Variants in RBMS3 observed in about 807,000 individuals in gnomAD.
RBMS3 encodes RNA binding motif single stranded interacting protein 3.
A neutral mutation model predicts 66.8 loss-of-function variants in RBMS3; 27 were observed. That is an observed-to-expected ratio of 0.40 (90% CI 0.30 to 0.56). RBMS3 has a LOEUF of 0.56. Among genes scored for constraint, RBMS3 ranks in the 20% least tolerant of loss-of-function variants. RBMS3 has a pLI of 0.40. For synonymous variants in RBMS3, 188 were observed against 183.0 expected, an observed-to-expected ratio of 1.03 and a Z score of -0.22; for missense variants, 513 against 549.5, an observed-to-expected ratio of 0.93 and a Z score of 0.66.
At chr3:29,569,624 T>C (rs531446278) in intron 3 of RBMS3, among the ~76,000 whole-genome samples, 99 of 152,250 alleles carry the variant, frequency 6.5e-4, no homozygotes, top group African/African-American at 2.4e-3. Flanking sequence ...TTCCAATCCC[T>C]TGTATTTCAA....
At chr3:29,537,932 A>G (rs936074182) in intron 3 of RBMS3, among the ~76,000 whole-genome samples, 1 of 152,050 alleles carries the variant, frequency 6.6e-6, no homozygotes, top group Admixed American at 6.6e-5. Context: ...TACTAATACA[A>G]TATACTGGCA....
chr3:29,308,433 T>C (rs987198736), intron 1 of RBMS3, among the ~76,000 whole-genome samples: 1 of 151,792 alleles, frequency 6.6e-6, no homozygotes, highest in African/African-American at 2.4e-5. Flanking sequence ...AGAAAGCACT[T>C]AGTCAACAAT....
chr3:29,944,415 C>T (rs919378112), intron 12 of RBMS3, among the ~76,000 whole-genome samples, 161 bp downstream of exon 12: 1 of 151,570 alleles, frequency 6.6e-6, no homozygotes, highest in Admixed American at 6.6e-5. Context: ...GAAACATAAA[C>T]TTAATATTAT....
chr3:29,512,427 C>T (rs2044450102), intron 3 of RBMS3, among the ~76,000 whole-genome samples: 1 of 151,958 alleles, frequency 6.6e-6, no homozygotes, highest in Non-Finnish European at 1.5e-5. Context: ...TTGCATTAAT[C>T]CTTCTTTAAT....
chr3:29,574,860 C>T (rs1012480309), intron 3 of RBMS3, among the ~76,000 whole-genome samples: 1 of 144,328 alleles, frequency 6.9e-6, no homozygotes, highest in Non-Finnish European at 1.5e-5. Flanking sequence ...CACACACACA[C>T]ACAAGAAAAT....
intron 1 of RBMS3, among the ~76,000 whole-genome samples, chr3:29,429,246 A>G (rs2041087413): frequency 6.6e-6 from 1 of 152,198 alleles, no homozygotes; most frequent in African/African-American, 2.4e-5. Context: ...TGAAGATAGC[A>G]TATAAAATGC....
chr3:29,379,224 A>C (rs2038642843), intron 1 of RBMS3, among the ~76,000 whole-genome samples: 1 of 152,226 alleles, frequency 6.6e-6, no homozygotes. Flanking sequence ...TCTTAAAAGC[A>C]GTGACTCAAT....
intron 3 of RBMS3, among the ~76,000 whole-genome samples, chr3:29,511,030 G>A (rs533159445): frequency 7.9e-5 from 12 of 152,348 alleles, no homozygotes; most frequent in Admixed American, 6.5e-4. Context: ...CGGGCGTGGT[G>A]GCTCACGCCT....
chr3:29,991,468 T>G (rs766465160), intron 14 of RBMS3: 1 of 460,898 alleles, frequency 2.2e-6, no homozygotes, highest in Non-Finnish European at 3.8e-6. Flanking sequence ...TTGCTAGCTG[T>G]TGGATGTGTG....
At chr3:29,400,830 T>C (rs753422084) in intron 1 of RBMS3, among the ~76,000 whole-genome samples, 1 of 152,060 alleles carries the variant, frequency 6.6e-6, no homozygotes, top group Non-Finnish European at 1.5e-5. Context: ...AGGAACTCCA[T>C]GACACTTCTA....
At chr3:29,839,478 T>A (rs2058610278) in intron 6 of RBMS3, among the ~76,000 whole-genome samples, 1 of 152,126 alleles carries the variant, frequency 6.6e-6, no homozygotes, top group Non-Finnish European at 1.5e-5. Flanking sequence ...AAAATAATGT[T>A]AAACTCTTAA....
chr3:29,352,798 G>T (rs1434476512), intron 1 of RBMS3, among the ~76,000 whole-genome samples: 3 of 151,822 alleles, frequency 2.0e-5, no homozygotes, highest in Non-Finnish European at 2.9e-5. Flanking sequence ...CTCTTTATGA[G>T]ATCAACTTTT....
chr3:29,613,685 C>T (rs1056527751), intron 4 of RBMS3, among the ~76,000 whole-genome samples: 1 of 151,796 alleles, frequency 6.6e-6, no homozygotes, highest in African/African-American at 2.4e-5. Context: ...GGGAAAAGGA[C>T]CTGAATAGGC....
rs528801672 is a variant in RBMS3 at position 29,649,670 on chromosome 3, A to C, written c.399+62465A>C. On this transcript the variant is annotated intron_variant, in intron 4 of 14. Coordinates refer to ENST00000383767, the MANE Select transcript of RBMS3 (RefSeq NM_001003793.3). ...GGTTCCCAATCTGAAATGTTTATCA[A>C]GTAACTGGAGAAGTTGGAGATGACA... Among the ~76,000 whole-genome samples, 14 of 152,314 alleles carry C rather than the reference A, an allele frequency of 9.2e-5. No individual in the cohort carries two copies. In the South Asian group the frequency reaches 2.9e-3, roughly 32 times the overall value.
chr3:29,899,456 C>T (rs538730428), intron 9 of RBMS3, among the ~76,000 whole-genome samples: 1 of 151,824 alleles, frequency 6.6e-6, no homozygotes, highest in East Asian at 2.0e-4. Flanking sequence ...TGCTCCAAGA[C>T]CCAGCCTGGG....
chr3:29,792,190 G>C (rs1290091478), intron 6 of RBMS3, among the ~76,000 whole-genome samples: 4 of 152,100 alleles, frequency 2.6e-5, no homozygotes, highest in African/African-American at 9.7e-5. Flanking sequence ...AAGTGACATA[G>C]GGTTAAAAAG....
At chr3:29,924,586 C>A (rs1330388156) in intron 10 of RBMS3, among the ~76,000 whole-genome samples, 1 of 90,214 alleles carries the variant, frequency 1.1e-5, no homozygotes, top group Admixed American at 1.2e-4. Context: ...GCCTGTAATC[C>A]CAGCACTTTG....
intron 13 of RBMS3, among the ~76,000 whole-genome samples, chr3:29,990,460 C>CAAAAAAAAAA (rs10596526): frequency 5.6e-5 from 6 of 106,494 alleles, no homozygotes; most frequent in South Asian, 2.9e-4. Context: ...CTGTGAGAAA[C>CAAAAAAAAAA]AAAAAAAAAA....
chr3:29,797,484 G>A lies in RBMS3; in HGVS notation c.637+34495G>A, dbSNP rs566668901. The stretch of plus-strand genomic sequence containing the variant: ...AAACTTTCTCCAGATCAGCAATAAG[G>A]TGGTTTTGCTTTCTTATCATTCATG... On this transcript the variant is annotated intron_variant, in intron 6 of 14. Coordinates refer to ENST00000383767, the MANE Select transcript of RBMS3 (RefSeq NM_001003793.3). Among the ~76,000 whole-genome samples the A allele has an allele frequency of 5.3e-5, 8 of 152,258 alleles. No homozygotes were observed. The South Asian group carries it at 1.2e-3, about 24-fold the overall frequency.
Sources: allele counts gnomAD v4.1 joint callset (sites outside exome capture counted in the v4.1 genomes callset), GRCh38; gene constraint gnomAD v4.1.1; transcripts MANE v1.5; gene names NCBI Gene and HGNC (gene_info 2026-07-23, HGNC 2026-07-21).